LYN: variants seen among roughly 807,000 people sequenced by gnomAD.
LYN encodes tyrosine-protein kinase Lyn.
LYN carries 12 observed loss-of-function variants against 65.0 expected under a neutral mutation model. The ratio of observed to expected loss-of-function variants is 0.18; its 90% CI spans 0.12 to 0.30. The LOEUF (loss-of-function observed/expected upper bound fraction) is 0.30, where lower values mean the gene tolerates loss of function less well. Ranked by LOEUF, LYN falls within the 10% of genes least tolerant of loss-of-function variation. LYN has a pLI of 1.00. For synonymous variants in LYN, 222 were observed against 221.2 expected (o/e 1.00, Z -0.03); for missense variants, 380 against 623.2 (o/e 0.61, Z 4.16).
intron 1 of LYN, among the ~76,000 whole-genome samples, chr8:55,911,276 TATATA>T (rs1276738473): frequency 0.024 from 1,248 of 51,626 alleles, 118 homozygotes; most frequent in Non-Finnish European, 0.039. Flanking sequence ...TATATATATA[TATATA>T]TATATTTTTT....
intron 1 of LYN, among the ~76,000 whole-genome samples, chr8:55,898,661 T>C (rs1805183490): frequency 6.6e-6 from 1 of 152,228 alleles, no homozygotes. Flanking sequence ...CAGTGATTTT[T>C]AGTATGTTCA....
chr8:55,952,398 GAA>G (rs376974174), intron 7 of LYN, among the ~76,000 whole-genome samples: 1 of 144,490 alleles, frequency 6.9e-6, no homozygotes, highest in Non-Finnish European at 1.5e-5. Context: ...ATCTCTACTA[GAA>G]AAAAAAAAAA....
At chr8:55,993,463 T>C (rs1260080571) in intron 10 of LYN, among the ~76,000 whole-genome samples, 1 of 152,228 alleles carries the variant, frequency 6.6e-6, no homozygotes, top group African/African-American at 2.4e-5. Flanking sequence ...CTCTTGGTAC[T>C]GAGCTCTCTT....
intron 11 of LYN, among the ~76,000 whole-genome samples, chr8:55,999,155 G>A (rs1585679898): frequency 6.6e-6 from 1 of 152,238 alleles, no homozygotes; most frequent in South Asian, 2.1e-4. Context: ...TTTTTGCAGT[G>A]CTCACTGTCT....
intron 1 of LYN, among the ~76,000 whole-genome samples, chr8:55,907,206 T>C (rs1237951802): frequency 6.6e-5 from 10 of 152,082 alleles, no homozygotes; most frequent in Admixed American, 6.6e-4. Flanking sequence ...ATCAGAAGAG[T>C]GGTTCAAAAC....
At chr8:55,884,493 G>A (rs1357061573) in intron 1 of LYN, among the ~76,000 whole-genome samples, 1 of 151,980 alleles carries the variant, frequency 6.6e-6, no homozygotes, top group Non-Finnish European at 1.5e-5. Flanking sequence ...GTTCGCTCTT[G>A]TCACCCAGGC....
intron 2 of LYN, among the ~76,000 whole-genome samples, chr8:55,942,515 G>A (rs1383301688): frequency 2.7e-5 from 4 of 150,606 alleles, no homozygotes; most frequent in African/African-American, 4.9e-5. Flanking sequence ...GGCTGGGCGC[G>A]GTGGCTCACG....
chr8:55,885,315 A>G (rs1232741746), intron 1 of LYN, among the ~76,000 whole-genome samples: 2 of 152,172 alleles, frequency 1.3e-5, no homozygotes, highest in African/African-American at 4.8e-5. Flanking sequence ...CACAGCTCAG[A>G]TAGTTTTTTA....
intron 12 of LYN, among the ~76,000 whole-genome samples, chr8:56,008,577 G>T (rs1344677723): frequency 6.6e-6 from 1 of 152,164 alleles, no homozygotes; most frequent in Non-Finnish European, 1.5e-5. Context: ...TATCATGCAG[G>T]AAAATGTTAT....
intron 2 of LYN, among the ~76,000 whole-genome samples, chr8:55,942,443 G>GTATA (rs35488882): frequency 1.9e-4 from 26 of 140,278 alleles, no homozygotes; most frequent in African/African-American, 5.6e-4. Flanking sequence ...GTGTGTGTGT[G>GTATA]TATATATATA....
chr8:56,009,497 T>C (rs1459492110), intron 12 of LYN, among the ~76,000 whole-genome samples: 3 of 152,220 alleles, frequency 2.0e-5, no homozygotes, highest in African/African-American at 7.2e-5. Flanking sequence ...GTCAAGGTGC[T>C]AGCCAGGTTG....
At chr8:56,000,372 G>A (rs1003070354) in intron 12 of LYN, among the ~76,000 whole-genome samples, 1 of 152,098 alleles carries the variant, frequency 6.6e-6, no homozygotes, top group Non-Finnish European at 1.5e-5. Flanking sequence ...AACACCTGAA[G>A]CCTGCAGAGC....
chr8:55,880,079 G>T lies in LYN; in HGVS notation c.-30G>T. On this transcript the variant is annotated 5_prime_UTR_variant, in exon 1 of 13. Coordinates refer to ENST00000519728, the MANE Select transcript of LYN (RefSeq NM_002350.4). ...ACTCAAGTCACCGTGGAGCTCCGCC[G>T]CCCCGAAACTTTCACCGCGAGCGGG... 3.2e-6 allele frequency: 1 copy of T among 311,644 alleles called. No individual in the cohort carries two copies. The highest frequency in any genetic ancestry group is 2.3e-5 in the South Asian group (1 of 42,964). 19.3% of individuals were successfully genotyped at this position (311,644 alleles called of 1,614,324 possible).
At position 55,910,760 on chromosome 8, in the gene LYN, T is replaced by C. The variant is rs1023439672; in HGVS notation, c.-6+30657T>C. 1.6e-4 allele frequency among the ~76,000 whole-genome samples: 24 copies of C among 152,150 alleles called. 1 individual carries two copies. Among genetic ancestry groups the C allele is most frequent in the Admixed American group, 1.1e-3 (17 of 15,280 alleles). On this transcript the variant is annotated intron_variant, in intron 1 of 12. Transcript: ENST00000519728. ...GGCTATAAGCTTAAGTCAAAAATTG[T>C]TTTGCTTATAGCTGAAGAGTCCCTG...
chr8:55,997,020 G>T (rs977085114), intron 10 of LYN, among the ~76,000 whole-genome samples: 1 of 152,076 alleles, frequency 6.6e-6, no homozygotes, highest in Non-Finnish European at 1.5e-5. Context: ...AATTCGCCAG[G>T]CATGGTGGTG....
rs573752778 is a variant in LYN at position 56,012,182 on chromosome 8, T to C, written c.*2072T>C. 1.1e-5 allele frequency: 2 copies of C among 176,744 alleles called. No homozygotes were observed. Among genetic ancestry groups the C allele is most frequent in the East Asian group, 1.8e-4 (2 of 11,374 alleles). The allele number at this position is 176,744 out of a possible 1,614,324, so 10.9% of individuals were successfully genotyped here. Reference sequence around the variant, plus strand: ...CATGTGTGGAAGTCACACGTTCCCTTGATGAACAGCACACACAGTCTCCTT... The same window carrying C: ...CATGTGTGGAAGTCACACGTTCCCTCGATGAACAGCACACACAGTCTCCTT... On this transcript the variant is annotated 3_prime_UTR_variant, in exon 13 of 13. Transcript: ENST00000519728.
chr8:55,976,326 C>CAA (rs35717306), intron 10 of LYN, among the ~76,000 whole-genome samples: 3,275 of 85,612 alleles, frequency 0.038, 165 homozygotes, highest in African/African-American at 0.12. Context: ...GACTCCATCT[C>CAA]AAAAAAAAAA....
In LYN at chr8:56,011,506, T is replaced by C. The variant is rs1808817377; in HGVS notation, c.*1396T>C. The C allele has an allele frequency of 5.1e-6, 1 of 196,170 alleles. No homozygotes were observed. Among genetic ancestry groups the C allele is most frequent in the African/African-American group, 2.3e-5 (1 of 43,244 alleles). 12.2% of individuals were successfully genotyped at this position (196,170 alleles called of 1,614,324 possible). A position where few individuals can be genotyped will look rare whatever the true frequency, so the allele number is the denominator to read the frequency against. ...ACATGCTTTAAACTTGCCCAAGTTC[T>C]ACCTCCTTCCTTTGAACATTTCAGA... On this transcript the variant is annotated 3_prime_UTR_variant, in exon 13 of 13. Coordinates refer to ENST00000519728, the MANE Select transcript of LYN (RefSeq NM_002350.4).
intron 7 of LYN, among the ~76,000 whole-genome samples, chr8:55,953,253 A>C (rs1363975967): frequency 2.6e-5 from 4 of 152,148 alleles, no homozygotes; most frequent in Non-Finnish European, 2.9e-5. Context: ...TAAGTGTGAC[A>C]ATCTGGCAGC....
Sources: allele counts gnomAD v4.1 joint callset (sites outside exome capture counted in the v4.1 genomes callset), GRCh38; gene constraint gnomAD v4.1.1; transcripts MANE v1.5; gene names NCBI Gene and HGNC (gene_info 2026-07-23, HGNC 2026-07-21).